Variants in UBAP2 observed in about 807,000 individuals in gnomAD.
UBAP2 encodes ubiquitin associated protein 2.
In UBAP2, 75 loss-of-function variants were observed where a neutral mutation model predicts 139.6. The ratio of observed to expected loss-of-function variants is 0.54; its 90% CI spans 0.45 to 0.65. UBAP2 has a LOEUF of 0.65. Among genes scored for constraint, UBAP2 ranks in the 30% least tolerant of loss-of-function variants. The pLI is 0.00. For synonymous variants in UBAP2, 526 were observed against 526.2 expected (o/e 1.00, Z 0.01); for missense variants, 1,368 against 1,369.6 (o/e 1.00, Z 0.02).
At chr9:34,020,162 A>AC in intron 1 of UBAP2, among the ~76,000 whole-genome samples, 1 of 151,530 alleles carries the variant, frequency 6.6e-6, no homozygotes, top group Middle Eastern at 3.4e-3. Context: ...AAAAAAAAAA[A>AC]AAAAAAAAAC....
intron 1 of UBAP2, among the ~76,000 whole-genome samples, chr9:34,046,128 GA>G (rs1827556925): frequency 6.6e-6 from 1 of 152,048 alleles, no homozygotes; most frequent in African/African-American, 2.4e-5. Flanking sequence ...TTCTCACAAG[GA>G]AAAATAAAGA....
intron 13 of UBAP2, 41 bp from the exon 14 acceptor site, chr9:33,944,680 C>T: frequency 1.3e-6 from 2 of 1,596,700 alleles, no homozygotes; most frequent in East Asian, 4.5e-5. Flanking sequence ...ATAATGGCTT[C>T]ACAATGTTCT....
chr9:33,957,781 T>C (rs1587562354), intron 10 of UBAP2, among the ~76,000 whole-genome samples: 2 of 152,278 alleles, frequency 1.3e-5, no homozygotes, highest in Middle Eastern at 6.8e-3. Context: ...TCAGAAACAC[T>C]GTATAAAACC....
intron 1 of UBAP2, among the ~76,000 whole-genome samples, chr9:34,038,381 T>C (rs1259603069): frequency 3.3e-5 from 5 of 152,118 alleles, no homozygotes; most frequent in Non-Finnish European, 5.9e-5. Context: ...GCAACCTCCC[T>C]GCCTGATTCT....
intron 1 of UBAP2, among the ~76,000 whole-genome samples, chr9:34,037,822 A>C (rs531225075): frequency 6.6e-6 from 1 of 152,154 alleles, no homozygotes; most frequent in East Asian, 1.9e-4. Context: ...TACTTCAGTG[A>C]CAATATGTAA....
At chr9:34,040,865 T>C (rs1263152174) in intron 1 of UBAP2, among the ~76,000 whole-genome samples, 1 of 152,178 alleles carries the variant, frequency 6.6e-6, no homozygotes, top group African/African-American at 2.4e-5. Context: ...TAACTCAACT[T>C]TCTGTGTTCT....
intron 2 of UBAP2, among the ~76,000 whole-genome samples, chr9:34,014,858 T>C (rs576038722): frequency 6.6e-6 from 1 of 151,546 alleles, no homozygotes; most frequent in African/African-American, 2.4e-5. Flanking sequence ...GCCTAAAACC[T>C]CCAAATTTTT....
chr9:34,035,897 T>C (rs1227245244), intron 1 of UBAP2, among the ~76,000 whole-genome samples: 1 of 15,944 alleles, frequency 6.3e-5, no homozygotes, highest in African/African-American at 1.2e-4. Flanking sequence ...ACATTCTCTC[T>C]TTTTTTTTTT....
At chr9:34,039,847 TAAAAAAA>T (rs74180526) in intron 1 of UBAP2, among the ~76,000 whole-genome samples, 54 of 84,420 alleles carry the variant, frequency 6.4e-4, no homozygotes, top group African/African-American at 2.2e-3. Flanking sequence ...CAATAAATAC[TAAAAAAA>T]AAAAAAAAAA....
At chr9:34,048,375 A>C (rs889596997) in intron 1 of UBAP2, among the ~76,000 whole-genome samples, 4 of 152,210 alleles carry the variant, frequency 2.6e-5, no homozygotes, top group Non-Finnish European at 5.9e-5. Flanking sequence ...TAGAGAGCGC[A>C]TAAGTTGGGG....
intron 1 of UBAP2, among the ~76,000 whole-genome samples, chr9:34,044,227 T>C (rs1827361348): frequency 1.3e-5 from 2 of 151,116 alleles, no homozygotes; most frequent in Non-Finnish European, 2.9e-5. Context: ...CGGTGAAACC[T>C]TGTCTCTACT....
chr9:33,951,056 G>C (rs561495018), intron 12 of UBAP2, among the ~76,000 whole-genome samples: 1 of 152,266 alleles, frequency 6.6e-6, no homozygotes, highest in Non-Finnish European at 1.5e-5. Context: ...TGGAGACAAG[G>C]TATTGCTGTC....
chr9:34,041,954 G>A (rs1436612638), intron 1 of UBAP2, among the ~76,000 whole-genome samples: 2 of 151,850 alleles, frequency 1.3e-5, no homozygotes, highest in Non-Finnish European at 2.9e-5. Context: ...GAACCCGGGA[G>A]GTGAATGTTG....
At chr9:33,959,322 C>T (rs1412803844) in intron 10 of UBAP2, among the ~76,000 whole-genome samples, 1 of 152,128 alleles carries the variant, frequency 6.6e-6, no homozygotes, top group African/African-American at 2.4e-5. Flanking sequence ...AAGTAGAAAT[C>T]ATGTTTCTTG....
At chr9:33,935,703 A>T in intron 17 of UBAP2, 136 bp downstream of exon 17, 1 of 1,041,492 alleles carries the variant, frequency 9.6e-7, no homozygotes, top group Non-Finnish European at 1.5e-6. Flanking sequence ...CCTGGTCCAA[A>T]AACAAAAAAG....
At chr9:33,939,169 CAT>C (rs1162400050) in intron 16 of UBAP2, among the ~76,000 whole-genome samples, 1 of 139,202 alleles carries the variant, frequency 7.2e-6, no homozygotes, top group East Asian at 2.2e-4. Flanking sequence ...AGCTTAATAA[CAT>C]TATTTGATTT....
intron 23 of UBAP2, 26 bp from the exon 24 acceptor site, chr9:33,924,026 A>G: frequency 6.2e-7 from 1 of 1,612,328 alleles, no homozygotes; most frequent in East Asian, 2.2e-5. Context: ...GACTCCAGCC[A>G]CTGCCCTTCC....
intron 21 of UBAP2, 85 bp from the exon 22 acceptor site, chr9:33,926,749 TG>T (rs981442633): frequency 7.0e-7 from 1 of 1,435,108 alleles, no homozygotes; most frequent in Non-Finnish European, 9.8e-7. Context: ...AAAACAAGGT[TG>T]GGGGGCTCTA....
intron 2 of UBAP2, among the ~76,000 whole-genome samples, chr9:34,016,364 CAGCGGCGGTGGT>C (rs879032184): frequency 2.6e-3 from 102 of 39,632 alleles, no homozygotes; most frequent in Middle Eastern, 8.1e-3. Flanking sequence ...GCAGCGGCGG[CAGCGGCGGTGGT>C]GGTGGTGGTG....
Sources: allele counts gnomAD v4.1 joint callset (sites outside exome capture counted in the v4.1 genomes callset), GRCh38; gene constraint gnomAD v4.1.1; transcripts MANE v1.5; gene names NCBI Gene and HGNC (gene_info 2026-07-23, HGNC 2026-07-21).